Variants in ARHGEF10L observed in about 807,000 individuals in gnomAD.
ARHGEF10L encodes the protein Rho guanine nucleotide exchange factor 10 like.
A neutral mutation model predicts 141.2 loss-of-function variants in ARHGEF10L; 69 were observed. The ratio of observed to expected loss-of-function variants is 0.49; its 90% CI spans 0.40 to 0.60. ARHGEF10L has a LOEUF of 0.60. Ranked by LOEUF, ARHGEF10L falls within the 20% of genes least tolerant of loss-of-function variation. The pLI, the probability that ARHGEF10L is intolerant of heterozygous loss-of-function variation, is 0.00. For missense variants in ARHGEF10L, 1,482 were observed against 1,734.3 expected, an observed-to-expected ratio of 0.85 and a Z score of 2.58; for synonymous variants, 711 against 718.5, an observed-to-expected ratio of 0.99 and a Z score of 0.17.
chr1:17,623,681 C>T lies in ARHGEF10L; in HGVS notation c.1200+506C>T, dbSNP rs556934792. 2.6e-5 allele frequency among the ~76,000 whole-genome samples: 4 copies of T among 152,276 alleles called. No individual in the cohort carries two copies. The highest frequency in any genetic ancestry group is 5.9e-5 in the Non-Finnish European group (4 of 68,038). ...CCCACTCTGAGCCCAGGCTTGCCAT[C>T]TGTGGAATGAGGGGTGCACTGGATT... On this transcript the variant is annotated intron_variant, in intron 12 of 28. Transcript: ENST00000361221. The surrounding 1 kb of genome is among the most constrained non-coding windows in gnomAD (Gnocchi z 4.7).
chr1:17,688,363 T>C (rs189689785), intron 27 of ARHGEF10L, among the ~76,000 whole-genome samples: 2 of 152,158 alleles, frequency 1.3e-5, no homozygotes, highest in African/African-American at 2.4e-5. Context: ...AAGGCCTCCA[T>C]GGAATTGGCT....
intron 15 of ARHGEF10L, 22 bp from the exon 16 acceptor site, chr1:17,632,299 A>T: frequency 1.2e-6 from 2 of 1,612,762 alleles, no homozygotes; most frequent in Non-Finnish European, 1.7e-6. Context: ...GCTGATGCTG[A>T]CCTTCCCTGC....
At chr1:17,531,724 G>A in the ARHGEF10L span, among the ~76,000 whole-genome samples, 20 of 152,122 alleles carry the variant, frequency 1.3e-4, no homozygotes, top group Admixed American at 1.2e-3. Flanking sequence ...GGTCCAAAAA[G>A]CCAGTCTATA....
chr1:17,603,431 C>G lies in ARHGEF10L; in HGVS notation c.350-77C>G. Reference sequence around the variant, plus strand: ...GCTGCGTGCCACCAGCTGGTGCAGTCCTGATGTCATCTGCAGCACCTCTGG... The same window carrying G: ...GCTGCGTGCCACCAGCTGGTGCAGTGCTGATGTCATCTGCAGCACCTCTGG... On this transcript the variant is annotated intron_variant, in intron 5 of 28. Coordinates refer to ENST00000361221, the MANE Select transcript of ARHGEF10L (RefSeq NM_018125.4). The surrounding 1 kb of genome is among the most constrained non-coding windows in gnomAD (Gnocchi z 4.8). 1 of 1,220,214 alleles carries G rather than the reference C, an allele frequency of 8.2e-7. No individual in the cohort carries two copies. The highest frequency in any genetic ancestry group is 1.2e-6 in the Non-Finnish European group (1 of 849,440). The allele number at this position is 1,220,214 out of a possible 1,614,324, so 75.6% of individuals were successfully genotyped here. A position where few individuals can be genotyped will look rare whatever the true frequency, so the allele number is the denominator to read the frequency against.
At chr1:17,521,889 G>A in the ARHGEF10L span, among the ~76,000 whole-genome samples, 1 of 152,000 alleles carries the variant, frequency 6.6e-6, no homozygotes, top group Non-Finnish European at 1.5e-5. Context: ...CTGGCTGGTT[G>A]GCCTCCTGGG....
At chr1:17,640,569 G>T (rs1423405287) in intron 21 of ARHGEF10L, among the ~76,000 whole-genome samples, 1 of 152,172 alleles carries the variant, frequency 6.6e-6, no homozygotes, top group Non-Finnish European at 1.5e-5. Context: ...ATTAGTGGTT[G>T]CCAGGGACCT....
Position 17,695,208 on chromosome 1 carries a change from TG to T in ARHGEF10L, c.3238del (p.Val1080TrpfsTer86). On this transcript the variant is annotated frameshift_variant, in exon 28 of 29. Coordinates refer to ENST00000361221, the MANE Select transcript of ARHGEF10L (RefSeq NM_018125.4). LOFTEE classifies it high-confidence loss of function. ...CCTCCTGATCTGCCAGGGTCTGCTC[TG>T]GGTGGGCACTGACCAGGGTGTCATC... ...TSLLICQGLL[W>X]VGTDQGVIVL... 1 of 1,612,716 alleles carries T rather than the reference TG, an allele frequency of 6.2e-7. No homozygotes were observed. Among genetic ancestry groups the T allele is most frequent in the Non-Finnish European group, 8.5e-7 (1 of 1,179,852 alleles).
intron 26 of ARHGEF10L, among the ~76,000 whole-genome samples, chr1:17,682,326 T>G (rs2064186550): frequency 6.6e-6 from 1 of 152,180 alleles, no homozygotes; most frequent in African/African-American, 2.4e-5. Flanking sequence ...GACTCTCTTC[T>G]CTCTGTGCAA....
chr1:17,583,240 C>T (rs1159930994), intron 2 of ARHGEF10L, among the ~76,000 whole-genome samples: 13 of 147,926 alleles, frequency 8.8e-5, no homozygotes, highest in Admixed American at 2.7e-4. Context: ...GTAGAAATGA[C>T]CTGAGTCCCT....
the ARHGEF10L span, among the ~76,000 whole-genome samples, chr1:17,513,694 G>C: frequency 6.6e-6 from 1 of 152,180 alleles, no homozygotes; most frequent in Non-Finnish European, 1.5e-5. Flanking sequence ...GAGAAATCTG[G>C]GGTATCCAAT....
intron 2 of ARHGEF10L, among the ~76,000 whole-genome samples, chr1:17,581,309 C>A (rs1375931822): frequency 3.5e-3 from 243 of 69,208 alleles, no homozygotes; most frequent in African/African-American, 7.6e-3. Flanking sequence ...AAGACTGTCT[C>A]AAAAAAAAAA....
chr1:17,515,528 G>A, the ARHGEF10L span, among the ~76,000 whole-genome samples: 10 of 151,916 alleles, frequency 6.6e-5, no homozygotes, highest in Admixed American at 5.9e-4. Flanking sequence ...TTGAACTCTT[G>A]ACCTCAGGGG....
At chr1:17,542,226 A>T (rs1172129195) in intron 1 of ARHGEF10L, among the ~76,000 whole-genome samples, 1 of 152,054 alleles carries the variant, frequency 6.6e-6, no homozygotes, top group Non-Finnish European at 1.5e-5. Flanking sequence ...AGGTGGGAGG[A>T]TCACTTGAGC....
At chr1:17,638,752 G>A (rs1451092743) in intron 20 of ARHGEF10L, 63 bp downstream of exon 20, 1 of 1,601,824 alleles carries the variant, frequency 6.2e-7, no homozygotes, top group Non-Finnish European at 8.5e-7. Flanking sequence ...TGGAGCAGGG[G>A]ATCCGGAGAG....
chr1:17,562,994 C>T (rs953165853), intron 1 of ARHGEF10L, among the ~76,000 whole-genome samples: 8 of 152,152 alleles, frequency 5.3e-5, no homozygotes, highest in African/African-American at 1.9e-4. Context: ...GAGGACTGGC[C>T]TGTGCAGGAG....
rs1185697405 is a variant in ARHGEF10L at position 17,573,127 on chromosome 1, TCCTGGGGGGCTTTGGGTAGGTC to T, written c.-43-7422_-43-7401del. 6.6e-6 allele frequency among the ~76,000 whole-genome samples: 1 copy of T among 152,136 alleles called. No homozygotes were observed. The highest frequency in any genetic ancestry group is 1.5e-5 in the Non-Finnish European group (1 of 68,014). On this transcript the variant is annotated intron_variant, in intron 1 of 28. Transcript: ENST00000361221. The surrounding 1 kb of genome is among the most constrained non-coding windows in gnomAD (Gnocchi z 4.8). ...CTCCCTTTCCCTGCCTGCCTCATCC[TCCTGGGGGGCTTTGGGTAGGTC>T]CCTTCCCATCTGAGCCTCAGCTTCC...
At chr1:17,560,937 C>T (rs543720474) in intron 1 of ARHGEF10L, among the ~76,000 whole-genome samples, 3 of 152,330 alleles carry the variant, frequency 2.0e-5, no homozygotes, top group Admixed American at 2.0e-4. Flanking sequence ...TTTCTGTCCT[C>T]TGGGAGCTGA....
At chr1:17,531,298 C>A in the ARHGEF10L span, among the ~76,000 whole-genome samples, 101 of 152,328 alleles carry the variant, frequency 6.6e-4, no homozygotes, top group Non-Finnish European at 1.3e-3. Flanking sequence ...AGTCTCCCTT[C>A]CAAACTGACC....
At chr1:17,597,614 A>G (rs1359504800) in intron 4 of ARHGEF10L, among the ~76,000 whole-genome samples, 1 of 152,186 alleles carries the variant, frequency 6.6e-6, no homozygotes, top group African/African-American at 2.4e-5. Flanking sequence ...CTAGGGAGGC[A>G]GCGGAGGTGG....
Sources: gnomAD v4.1 joint callset for allele counts (sites outside exome capture counted in the v4.1 genomes callset) on GRCh38, gnomAD v4.1.1 for gene constraint, Gnocchi (gnomAD v3.1) non-coding constraint, MANE v1.5 for transcripts, NCBI Gene and HGNC (gene_info 2026-07-23, HGNC 2026-07-21) for gene names.